LIN7A: variants seen among roughly 807,000 people sequenced by gnomAD.
LIN7A encodes the protein lin-7 cell polarity scaffold A, also known as protein lin-7 homolog A.
A neutral mutation model predicts 29.8 loss-of-function variants in LIN7A; 25 were observed. The observed-to-expected ratio is 0.84, with a 90% CI of 0.61 to 1.17. The LOEUF (loss-of-function observed/expected upper bound fraction) is 1.17, where lower values mean the gene tolerates loss of function less well. Ranked by LOEUF, LIN7A falls within the 50% of genes most tolerant of loss-of-function variation. The pLI is 0.00. For missense variants in LIN7A, 239 were observed against 287.0 expected (o/e 0.83, Z 1.21); for synonymous variants, 118 against 107.5 (o/e 1.10, Z -0.60).
chr12:80,903,098 C>G (rs926107825), intron 1 of LIN7A, among the ~76,000 whole-genome samples: 5 of 151,190 alleles, frequency 3.3e-5, no homozygotes, highest in African/African-American at 7.3e-5. Flanking sequence ...CTATGACAAA[C>G]AGACTAGCCA....
chr12:80,864,924 G>T (rs1874062388), intron 2 of LIN7A, among the ~76,000 whole-genome samples: 1 of 152,154 alleles, frequency 6.6e-6, no homozygotes, highest in African/African-American at 2.4e-5. Flanking sequence ...GGAAAGGGAA[G>T]CTCAGAAAGT....
intron 4 of LIN7A, among the ~76,000 whole-genome samples, chr12:80,838,784 C>A (rs1187965305): frequency 2.6e-5 from 4 of 152,132 alleles, no homozygotes; most frequent in Admixed American, 2.6e-4. Flanking sequence ...TGTGCCAGGC[C>A]TATAGGGGAA....
At chr12:80,816,409 T>C (rs1383022033) in intron 4 of LIN7A, among the ~76,000 whole-genome samples, 1 of 145,722 alleles carries the variant, frequency 6.9e-6, no homozygotes, top group Non-Finnish European at 1.5e-5. Context: ...AGACTCTGTC[T>C]CAAAAAAAAA....
At chr12:80,886,943 A>G (rs547364894) in intron 2 of LIN7A, among the ~76,000 whole-genome samples, 1 of 152,170 alleles carries the variant, frequency 6.6e-6, no homozygotes, top group South Asian at 2.1e-4. Context: ...TCCAGACCCA[A>G]CTTCTCCCCC....
At chr12:80,852,607 A>G (rs893520705) in intron 2 of LIN7A, among the ~76,000 whole-genome samples, 1 of 152,194 alleles carries the variant, frequency 6.6e-6, no homozygotes, top group Non-Finnish European at 1.5e-5. Flanking sequence ...ATATATATAT[A>G]CACAAGATGC....
chr12:80,936,672 G>T (rs1210890675), intron 1 of LIN7A: 1 of 152,440 alleles, frequency 6.6e-6, no homozygotes, highest in East Asian at 1.9e-4. Flanking sequence ...TCAGGGACAG[G>T]TATAACCCCA....
rs1871627240 is a variant in LIN7A at position 80,818,203 on chromosome 12, G to T, written c.484-6520C>A. 2.6e-5 allele frequency among the ~76,000 whole-genome samples: 4 copies of T among 152,072 alleles called. 1 individual carries two copies. In the South Asian group the frequency reaches 8.3e-4, roughly 32 times the overall value. ...AGATGGAGTCTCGCTCTGTCCCCCAGGCTGGAGTGCAGTGGCCGGATCTTG... is the reference window on the plus strand; with the variant it reads ...AGATGGAGTCTCGCTCTGTCCCCCATGCTGGAGTGCAGTGGCCGGATCTTG... On this transcript the variant is annotated intron_variant, in intron 4 of 5. Coordinates refer to ENST00000552864, the MANE Select transcript of LIN7A (RefSeq NM_004664.4).
chr12:80,874,042 CTGT>C (rs1372966798), intron 2 of LIN7A, among the ~76,000 whole-genome samples: 1 of 152,016 alleles, frequency 6.6e-6, no homozygotes, highest in East Asian at 1.9e-4. Flanking sequence ...AGATGTCCTA[CTGT>C]TGATCTGGGA....
Position 80,807,071 on chromosome 12 carries a change from T to TTTTG in LIN7A, c.*4393_*4394insCAAA, listed in dbSNP as rs1555221347. On this transcript the variant is annotated intron_variant, in intron 5 of 5. Transcript: ENST00000552864. ...AATTTAATGAAGATGGAGTTTTTTTTTTTTTTTTTTTTTTTTTTTTGACGG... is the reference window on the plus strand; with the variant it reads ...AATTTAATGAAGATGGAGTTTTTTTTTTTGTTTTTTTTTTTTTTTTTTTTGACGG... Among the ~76,000 whole-genome samples, 183 of 111,880 alleles carry TTTTG rather than the reference T, an allele frequency of 1.6e-3. 19 individuals are homozygous for TTTTG. The highest frequency in any genetic ancestry group is 6.3e-3 in the African/African-American group (152 of 24,076). 73.4% of individuals were successfully genotyped at this position (111,880 alleles called of 152,430 possible).
At chr12:80,839,879 T>A (rs1036754545) in intron 4 of LIN7A, among the ~76,000 whole-genome samples, 5 of 152,246 alleles carry the variant, frequency 3.3e-5, no homozygotes, top group Non-Finnish European at 7.3e-5. Flanking sequence ...TGCTTAAAAA[T>A]CAATTAGCAA....
Position 80,811,617 on chromosome 12 carries a change from G to A in LIN7A, c.550C>T (p.Leu184=), listed in dbSNP as rs993599326. ...ACTTTTGGGGTGTATCGCACCACCA[G>A]CTTGACGCTGTCTTTAGCAGCCTTG... ...LLKAAKDSVK[L]VVRYTPKVLE... The change falls in exon 5 of 6, where the codon CTG becomes TTG. Residue 184 remains leucine, a synonymous_variant. Coordinates refer to ENST00000552864, the MANE Select transcript of LIN7A (RefSeq NM_004664.4). The A allele has an allele frequency of 6.2e-7, 1 of 1,614,072 alleles. No individual in the cohort carries two copies. The highest frequency in any genetic ancestry group is 1.7e-5 in the Admixed American group (1 of 60,014).
chr12:80,897,238 A>G (rs753766565), intron 1 of LIN7A, among the ~76,000 whole-genome samples: 3 of 150,496 alleles, frequency 2.0e-5, no homozygotes, highest in Non-Finnish European at 4.4e-5. Context: ...TTTCCTTTAT[A>G]TTTGATGTCT....
chr12:80,915,561 A>G (rs1876990770), intron 1 of LIN7A, among the ~76,000 whole-genome samples: 1 of 152,212 alleles, frequency 6.6e-6, no homozygotes, highest in Non-Finnish European at 1.5e-5. Context: ...TACCAAAAAG[A>G]CACATGAACT....
chr12:80,837,837 A>C (rs1262509472), intron 4 of LIN7A, among the ~76,000 whole-genome samples: 1 of 141,138 alleles, frequency 7.1e-6, no homozygotes, highest in African/African-American at 2.7e-5. Context: ...CATCATCATC[A>C]TCCTCATCAT....
At chr12:80,899,305 C>A (rs1163661) in intron 1 of LIN7A, among the ~76,000 whole-genome samples, 103,290 of 152,070 alleles carry the variant, frequency 0.68, 39,087 homozygotes, top group Non-Finnish European at 0.87. Flanking sequence ...TACATTTGAA[C>A]CAACCTTGCA....
chr12:80,894,754 G>T (rs1875799011), intron 1 of LIN7A, among the ~76,000 whole-genome samples: 1 of 152,102 alleles, frequency 6.6e-6, no homozygotes, highest in Non-Finnish European at 1.5e-5. Flanking sequence ...TTTAATACAT[G>T]GTCCAGAACA....
chr12:80,797,621 C>A lies in LIN7A; in HGVS notation c.*106G>T, dbSNP rs1485750511. The A allele has an allele frequency of 6.6e-6, 1 of 152,610 alleles. No individual in the cohort carries two copies. Among genetic ancestry groups the A allele is most frequent in the Non-Finnish European group, 1.5e-5 (1 of 68,036 alleles). 9.5% of individuals were successfully genotyped at this position (152,610 alleles called of 1,614,324 possible). On this transcript the variant is annotated 3_prime_UTR_variant, in exon 6 of 6. Coordinates refer to ENST00000552864, the MANE Select transcript of LIN7A (RefSeq NM_004664.4). Reference sequence around the variant, plus strand: ...ACACCATGTGTTCACAGCTTCTTGACAGGTATAATTATCAGTGTTGTCTTT... The same window carrying A: ...ACACCATGTGTTCACAGCTTCTTGAAAGGTATAATTATCAGTGTTGTCTTT...
chr12:80,918,888 T>C (rs901395291), intron 1 of LIN7A, among the ~76,000 whole-genome samples: 5 of 152,240 alleles, frequency 3.3e-5, no homozygotes, highest in African/African-American at 1.2e-4. Flanking sequence ...TATGATACTG[T>C]ATTTGCACTG....
intron 1 of LIN7A, among the ~76,000 whole-genome samples, chr12:80,911,283 T>TG (rs1876734611): frequency 1.3e-5 from 2 of 150,060 alleles, no homozygotes; most frequent in Admixed American, 1.3e-4. Context: ...TTTTTTTTTT[T>TG]TTTTTTTGGT....
Sources: allele counts gnomAD v4.1 joint callset (sites outside exome capture counted in the v4.1 genomes callset), GRCh38; gene constraint gnomAD v4.1.1; transcripts MANE v1.5; gene names NCBI Gene and HGNC (gene_info 2026-07-23, HGNC 2026-07-21).